The following GABBR2 variants were observed in gnomAD, a reference collection of about 807,000 sequenced individuals.
The protein encoded by GABBR2 is G-protein coupled receptor 51.
GABBR2 carries 23 observed loss-of-function variants against 105.6 expected under a neutral mutation model. The ratio of observed to expected loss-of-function variants is 0.22; its 90% CI spans 0.16 to 0.31. The LOEUF is 0.31. Ranked by LOEUF, GABBR2 falls within the 10% of genes least tolerant of loss-of-function variation. The pLI is 1.00. For synonymous variants in GABBR2, 478 were observed against 499.7 expected (o/e 0.96, Z 0.58); for missense variants, 734 against 1,245.5 (o/e 0.59, Z 6.18).
intron 4 of GABBR2, among the ~76,000 whole-genome samples, chr9:98,482,074 C>T (rs1826936164): frequency 6.6e-6 from 1 of 152,218 alleles, no homozygotes; most frequent in Non-Finnish European, 1.5e-5. Context: ...CTCCCCATCC[C>T]AGCCGCTTCC....
At chr9:98,468,484 G>C (rs990967628) in intron 6 of GABBR2, among the ~76,000 whole-genome samples, 4 of 152,112 alleles carry the variant, frequency 2.6e-5, no homozygotes, top group Admixed American at 2.6e-4. Flanking sequence ...ATTTAAAGGG[G>C]AGCCAAAATA....
At chr9:98,293,353 C>CTAGA (rs1263482187) in intron 18 of GABBR2, among the ~76,000 whole-genome samples, 2 of 152,090 alleles carry the variant, frequency 1.3e-5, no homozygotes, top group African/African-American at 2.4e-5. Flanking sequence ...TATCAGCCTC[C>CTAGA]TAGATAGAAT....
At chr9:98,423,951 T>TTCTATA (rs967625571) in intron 7 of GABBR2, among the ~76,000 whole-genome samples, 7 of 152,202 alleles carry the variant, frequency 4.6e-5, no homozygotes, top group Admixed American at 1.3e-4. Flanking sequence ...CTCCGTTCTG[T>TTCTATA]TCTATATCTA....
chr9:98,436,331 TACACACACACACACA>T (rs1448749277), intron 7 of GABBR2, among the ~76,000 whole-genome samples: 8 of 26,292 alleles, frequency 3.0e-4, no homozygotes, highest in South Asian at 1.3e-3. Context: ...TATATATATA[TACACACACACACACA>T]CCATATATAT....
chr9:98,531,420 T>C (rs1016448663), intron 3 of GABBR2, among the ~76,000 whole-genome samples: 4 of 152,208 alleles, frequency 2.6e-5, no homozygotes, highest in African/African-American at 7.2e-5. Context: ...GGGCCATCTG[T>C]CCCGAGGGCA....
intron 1 of GABBR2, among the ~76,000 whole-genome samples, chr9:98,692,412 C>T (rs1350284791): frequency 6.6e-6 from 1 of 152,202 alleles, no homozygotes; most frequent in Non-Finnish European, 1.5e-5. Context: ...TCTTGAAGTG[C>T]TTAGGAGGAT....
chr9:98,383,637 C>A (rs1261474018), intron 11 of GABBR2, among the ~76,000 whole-genome samples: 1 of 152,186 alleles, frequency 6.6e-6, no homozygotes, highest in Non-Finnish European at 1.5e-5. Context: ...AGGCACTGCC[C>A]AATTGAGGAT....
chr9:98,419,180 A>G (rs563294624), intron 7 of GABBR2, among the ~76,000 whole-genome samples: 7 of 152,346 alleles, frequency 4.6e-5, no homozygotes, highest in Admixed American at 6.5e-5. Flanking sequence ...TCAGGCAGGA[A>G]GAGAAAAAGA....
intron 1 of GABBR2, among the ~76,000 whole-genome samples, chr9:98,611,474 G>T (rs1829505814): frequency 6.6e-6 from 1 of 152,036 alleles, no homozygotes. Flanking sequence ...ATGAATGAAT[G>T]AATGAATGAA....
chr9:98,370,988 A>G (rs936704934), intron 12 of GABBR2, among the ~76,000 whole-genome samples: 1 of 152,010 alleles, frequency 6.6e-6, no homozygotes, highest in Non-Finnish European at 1.5e-5. Flanking sequence ...TAAAGTGCAG[A>G]TTCCTTAATG....
intron 1 of GABBR2, among the ~76,000 whole-genome samples, chr9:98,679,801 G>C (rs1383184796): frequency 6.6e-6 from 1 of 152,176 alleles, no homozygotes; most frequent in Non-Finnish European, 1.5e-5. Flanking sequence ...TATCTCTGAA[G>C]ACACAGGAGC....
chr9:98,383,799 T>G (rs971347767), intron 11 of GABBR2, among the ~76,000 whole-genome samples: 8 of 152,196 alleles, frequency 5.3e-5, no homozygotes, highest in African/African-American at 1.9e-4. Context: ...CTGTAAGATC[T>G]TGGGGGGCTT....
intron 1 of GABBR2, among the ~76,000 whole-genome samples, chr9:98,676,600 T>TC (rs1394028032): frequency 4.6e-5 from 7 of 152,192 alleles, no homozygotes; most frequent in Non-Finnish European, 1.0e-4. Flanking sequence ...GCAATTTTTT[T>TC]CCCTCTTTTC....
chr9:98,349,349 G>GTTTT (rs1182072320), intron 13 of GABBR2, among the ~76,000 whole-genome samples: 5 of 24,230 alleles, frequency 2.1e-4, no homozygotes, highest in South Asian at 2.8e-3. Context: ...TTGAAGTTTT[G>GTTTT]TTTTTTTTTT....
intron 7 of GABBR2, among the ~76,000 whole-genome samples, chr9:98,431,041 C>T (rs961540868): frequency 1.3e-4 from 20 of 151,766 alleles, no homozygotes; most frequent in Non-Finnish European, 2.9e-4. Flanking sequence ...AACTCCAGAA[C>T]TCCAGATACT....
At chr9:98,345,584 G>A (rs1831289829) in intron 13 of GABBR2, among the ~76,000 whole-genome samples, 1 of 152,124 alleles carries the variant, frequency 6.6e-6, no homozygotes, top group African/African-American at 2.4e-5. Context: ...ATTCAACATT[G>A]TACTAGAAGT....
intron 13 of GABBR2, among the ~76,000 whole-genome samples, chr9:98,326,620 A>T (rs1830929249): frequency 6.6e-6 from 1 of 152,232 alleles, no homozygotes; most frequent in Non-Finnish European, 1.5e-5. Context: ...GTGGTCCAGA[A>T]CACAGAGTTG....
chr9:98,392,058 A>T (rs1378311646), intron 9 of GABBR2, among the ~76,000 whole-genome samples: 1 of 152,028 alleles, frequency 6.6e-6, no homozygotes, highest in Non-Finnish European at 1.5e-5. Context: ...TCAGAGGCTG[A>T]TTATTCACGG....
At position 98,354,937 on chromosome 9, in the gene GABBR2, G is replaced by A. The variant is rs568930065; in HGVS notation, c.1893+7778C>T. On this transcript the variant is annotated intron_variant, in intron 13 of 18. Transcript: ENST00000259455. ...TCTGCTTTCAACCTGCCTTCAACCT[G>A]CCTTCCTCACTAAGCTTAATCATTT... Among the ~76,000 whole-genome samples the A allele has an allele frequency of 2.0e-5, 3 of 152,238 alleles. No individual in the cohort carries two copies. The East Asian group carries it at 5.8e-4, about 29-fold the overall frequency.
Sources: gnomAD v4.1 joint callset for allele counts (sites outside exome capture counted in the v4.1 genomes callset) on GRCh38, gnomAD v4.1.1 for gene constraint, MANE v1.5 for transcripts, NCBI Gene and HGNC (gene_info 2026-07-23, HGNC 2026-07-21) for gene names.